ATXN7L1: variants seen among roughly 807,000 people sequenced by gnomAD.
ATXN7L1 encodes ataxin-7-like protein 1.
ATXN7L1 carries 15 observed loss-of-function variants against 70.8 expected under a neutral mutation model. The ratio of observed to expected loss-of-function variants is 0.21; its 90% CI spans 0.14 to 0.33. The LOEUF (loss-of-function observed/expected upper bound fraction) is 0.33. Among genes scored for constraint, ATXN7L1 ranks in the 10% least tolerant of loss-of-function variants. The pLI is 1.00. For synonymous variants in ATXN7L1, 440 were observed against 445.1 expected (o/e 0.99, Z 0.14); for missense variants, 975 against 1,097.1 (o/e 0.89, Z 1.57).
In ATXN7L1 at chr7:105,643,345, G is replaced by A. The variant is rs145262846; in HGVS notation, c.579-224C>T. Among the ~76,000 whole-genome samples the A allele has an allele frequency of 3.5e-3, 534 of 152,270 alleles. 3 individuals carry two copies. The highest frequency in any genetic ancestry group is 0.012 in the African/African-American group (503 of 41,548). ...GCACAGTGTCAGGGGTGGCATCAGGGCTGACTGATTACCGCCCGTGCTGAG... is the reference window on the plus strand; with the variant it reads ...GCACAGTGTCAGGGGTGGCATCAGGACTGACTGATTACCGCCCGTGCTGAG... On this transcript the variant is annotated intron_variant, in intron 4 of 11. Coordinates refer to ENST00000419735, the MANE Select transcript of ATXN7L1 (RefSeq NM_020725.2).
intron 4 of ATXN7L1, among the ~76,000 whole-genome samples, chr7:105,658,973 C>A (rs929257567): frequency 6.6e-6 from 1 of 152,154 alleles, no homozygotes; most frequent in East Asian, 1.9e-4. Context: ...CCCGTCTCTA[C>A]TGAAAACACA....
chr7:105,726,760 T>A (rs186082014), intron 3 of ATXN7L1, among the ~76,000 whole-genome samples: 2 of 152,298 alleles, frequency 1.3e-5, no homozygotes, highest in Admixed American at 1.3e-4. Flanking sequence ...TTCTGCCCTG[T>A]GCCTGCCATC....
At chr7:105,859,473 G>A (rs1816239191) in intron 2 of ATXN7L1, among the ~76,000 whole-genome samples, 1 of 152,048 alleles carries the variant, frequency 6.6e-6, no homozygotes, top group Admixed American at 6.5e-5. Context: ...CCCATACTCA[G>A]TGGTCTCATA....
intron 3 of ATXN7L1, among the ~76,000 whole-genome samples, chr7:105,671,039 A>T (rs1427082854): frequency 1.4e-5 from 2 of 145,216 alleles, no homozygotes; most frequent in Non-Finnish European, 3.0e-5. Flanking sequence ...CCCGGGAGGC[A>T]GAGCTTGCAG....
intron 2 of ATXN7L1, among the ~76,000 whole-genome samples, chr7:105,870,876 C>A (rs1263176466): frequency 6.6e-6 from 1 of 152,124 alleles, no homozygotes; most frequent in Non-Finnish European, 1.5e-5. Context: ...TCAAATCATT[C>A]CTCACTAGGG....
chr7:105,774,608 C>T (rs1244041844), intron 3 of ATXN7L1, among the ~76,000 whole-genome samples: 1 of 152,100 alleles, frequency 6.6e-6, no homozygotes. Context: ...CTGCCTCAGC[C>T]TCCCAAAATG....
chr7:105,792,090 C>T (rs566260581), intron 2 of ATXN7L1, among the ~76,000 whole-genome samples: 2 of 152,324 alleles, frequency 1.3e-5, no homozygotes, highest in South Asian at 2.1e-4. Context: ...CAGAGCCCAT[C>T]CCGTCTCCCC....
chr7:105,664,575 G>GTGTGTATATATA, intron 4 of ATXN7L1, among the ~76,000 whole-genome samples: 1 of 131,990 alleles, frequency 7.6e-6, no homozygotes, highest in Non-Finnish European at 1.6e-5. Context: ...GTATGTGTGT[G>GTGTGTATATATA]TATATATATA....
At chr7:105,695,506 T>C (rs1791592669) in intron 3 of ATXN7L1, among the ~76,000 whole-genome samples, 1 of 152,144 alleles carries the variant, frequency 6.6e-6, no homozygotes, top group Non-Finnish European at 1.5e-5. Context: ...ATCCTTTGAT[T>C]TGATCAGTTC....
intron 2 of ATXN7L1, among the ~76,000 whole-genome samples, chr7:105,831,797 C>T (rs1269104111): frequency 1.3e-5 from 2 of 152,056 alleles, no homozygotes; most frequent in Non-Finnish European, 1.5e-5. Context: ...CTGATTTTAG[C>T]CCCCAAAGCC....
chr7:105,871,093 T>TTTG (rs2116678754), intron 2 of ATXN7L1, among the ~76,000 whole-genome samples: 1 of 151,710 alleles, frequency 6.6e-6, no homozygotes, highest in East Asian at 1.9e-4. Context: ...GGTTTTTTTT[T>TTTG]TTTTTTTTTT....
At chr7:105,701,735 C>T (rs778094037) in intron 3 of ATXN7L1, among the ~76,000 whole-genome samples, 1 of 152,096 alleles carries the variant, frequency 6.6e-6, no homozygotes, top group Non-Finnish European at 1.5e-5. Flanking sequence ...GACAGGGTCT[C>T]GCTCTGTAAC....
intron 2 of ATXN7L1, among the ~76,000 whole-genome samples, chr7:105,816,366 G>A (rs1809194535): frequency 6.6e-6 from 1 of 152,186 alleles, no homozygotes; most frequent in South Asian, 2.1e-4. Context: ...GGAATGCACT[G>A]CCTTGAAACT....
chr7:105,857,062 A>G (rs1046178907), intron 2 of ATXN7L1, among the ~76,000 whole-genome samples: 5 of 152,172 alleles, frequency 3.3e-5, no homozygotes, highest in African/African-American at 1.2e-4. Flanking sequence ...CAACCTCTTG[A>G]GGAACTCATA....
intron 3 of ATXN7L1, among the ~76,000 whole-genome samples, chr7:105,708,154 C>T (rs1044441255): frequency 3.3e-5 from 5 of 152,204 alleles, no homozygotes; most frequent in African/African-American, 1.2e-4. Flanking sequence ...GAAAACTCCA[C>T]AGTGTCGTGG....
intron 3 of ATXN7L1, among the ~76,000 whole-genome samples, chr7:105,727,767 T>TATATATATATATA (rs34755557): frequency 0.025 from 2,534 of 99,766 alleles, 54 homozygotes; most frequent in Non-Finnish European, 0.033. Context: ...TATATATATA[T>TATATATATATATA]ATATATATAT....
intron 3 of ATXN7L1, among the ~76,000 whole-genome samples, chr7:105,747,298 ACATAATGAAGCCTC>A (rs764085322): frequency 6.6e-6 from 1 of 152,154 alleles, no homozygotes; most frequent in Non-Finnish European, 1.5e-5. Context: ...AATCATGCCT[ACATAATGAAGCCTC>A]CATAAAAACC....
At chr7:105,768,076 C>T (rs575577294) in intron 3 of ATXN7L1, among the ~76,000 whole-genome samples, 2 of 152,374 alleles carry the variant, frequency 1.3e-5, no homozygotes, top group African/African-American at 4.8e-5. Context: ...TAGTGAGCAT[C>T]TGGCCCCCTC....
At chr7:105,854,887 T>G (rs1354221169) in intron 2 of ATXN7L1, among the ~76,000 whole-genome samples, 1 of 152,172 alleles carries the variant, frequency 6.6e-6, no homozygotes, top group Non-Finnish European at 1.5e-5. Context: ...CATTTCCAAT[T>G]TATCTTGCTA....
Sources: allele counts gnomAD v4.1 joint callset (sites outside exome capture counted in the v4.1 genomes callset), GRCh38; gene constraint gnomAD v4.1.1; transcripts MANE v1.5; gene names NCBI Gene and HGNC (gene_info 2026-07-23, HGNC 2026-07-21).